The following KCTD1 variants were observed in gnomAD, a reference collection of about 807,000 sequenced individuals.
KCTD1 encodes potassium channel tetramerization domain containing 1.
Under a neutral mutation model 66.0 loss-of-function variants are expected in KCTD1, and 24 were observed. The ratio of observed to expected loss-of-function variants is 0.36; its 90% CI spans 0.26 to 0.51. KCTD1 has a LOEUF of 0.51. KCTD1 is among the 20% of genes least tolerant of loss of function. KCTD1 has a pLI of 0.95. For synonymous variants in KCTD1, 511 were observed against 517.2 expected (o/e 0.99, Z 0.16); for missense variants, 943 against 1,205.2 (o/e 0.78, Z 3.22).
At chr18:26,482,142 T>C (rs564414994) in intron 2 of KCTD1, among the ~76,000 whole-genome samples, 12 of 152,312 alleles carry the variant, frequency 7.9e-5, no homozygotes, top group African/African-American at 1.7e-4. Context: ...CCTGTGGTGA[T>C]TGGCACAATG....
intron 1 of KCTD1, among the ~76,000 whole-genome samples, chr18:26,615,492 G>A (rs1404190795): frequency 2.6e-5 from 4 of 152,202 alleles, no homozygotes; most frequent in Non-Finnish European, 5.9e-5. Context: ...ATGTGCAAAT[G>A]AAGATCTCTT....
chr18:26,520,334 T>C (rs1006994684), intron 1 of KCTD1, among the ~76,000 whole-genome samples: 1 of 152,174 alleles, frequency 6.6e-6, no homozygotes, highest in Non-Finnish European at 1.5e-5. Flanking sequence ...TGCATAACCA[T>C]GTAAAACTAA....
At chr18:26,532,261 C>T (rs1211479054) in intron 1 of KCTD1, among the ~76,000 whole-genome samples, 507 of 29,472 alleles carry the variant, frequency 0.017, 27 homozygotes, top group African/African-American at 0.026. Context: ...TTCTTTCCTT[C>T]TTTTTTTTTT....
chr18:26,502,373 TG>T (rs1244173704), intron 1 of KCTD1, among the ~76,000 whole-genome samples: 1 of 152,166 alleles, frequency 6.6e-6, no homozygotes, highest in Non-Finnish European at 1.5e-5. Flanking sequence ...TTATATTTGT[TG>T]TAGAAACAGG....
At chr18:26,626,241 C>G (rs771059886) in intron 1 of KCTD1, among the ~76,000 whole-genome samples, 1 of 151,894 alleles carries the variant, frequency 6.6e-6, no homozygotes, top group Non-Finnish European at 1.5e-5. Flanking sequence ...AGCATCCAAA[C>G]AGCTTAAGCC....
chr18:26,634,876 C>T (rs973391896), intron 1 of KCTD1, among the ~76,000 whole-genome samples: 1 of 152,176 alleles, frequency 6.6e-6, no homozygotes, highest in Non-Finnish European at 1.5e-5. Context: ...CCACAAACCA[C>T]ACACAACTCT....
At chr18:26,532,530 C>T (rs1396383590) in intron 1 of KCTD1, among the ~76,000 whole-genome samples, 2 of 152,082 alleles carry the variant, frequency 1.3e-5, no homozygotes, top group Non-Finnish European at 2.9e-5. Flanking sequence ...TCCCAAAGTG[C>T]CGGGGTTACA....
At chr18:26,461,975 G>A (rs115182729) in intron 3 of KCTD1, among the ~76,000 whole-genome samples, 233 of 152,230 alleles carry the variant, frequency 1.5e-3, no homozygotes, top group African/African-American at 5.2e-3. Context: ...AAAATTAGCC[G>A]GGCATGGTGG....
At chr18:26,548,731 AG>A (rs1166482994), upstream of KCTD1, 20 of 426,326 alleles carry the variant, frequency 4.7e-5, no homozygotes, top group South Asian at 1.1e-4. Context: ...GGGAGGGGGG[AG>A]GGGGGGACAA....
At chr18:26,503,172 G>A (rs890382632) in intron 1 of KCTD1, among the ~76,000 whole-genome samples, 4 of 152,058 alleles carry the variant, frequency 2.6e-5, no homozygotes, top group African/African-American at 4.8e-5. Context: ...TCGGCTGGTC[G>A]GCTCAAGGGT....
At chr18:26,614,948 A>T (rs1381467793) in intron 1 of KCTD1, among the ~76,000 whole-genome samples, 2 of 152,180 alleles carry the variant, frequency 1.3e-5, no homozygotes, top group South Asian at 2.1e-4. Context: ...GCTTTTTAAA[A>T]TTTTCAAATA....
intron 2 of KCTD1, among the ~76,000 whole-genome samples, chr18:26,481,725 G>C (rs1002482652): frequency 6.6e-6 from 1 of 152,144 alleles, no homozygotes; most frequent in Admixed American, 6.5e-5. Context: ...TACATCATTT[G>C]CATAATGCAG....
intron 1 of KCTD1, among the ~76,000 whole-genome samples, chr18:26,622,338 G>A (rs533102971): frequency 7.9e-5 from 12 of 152,298 alleles, no homozygotes; most frequent in African/African-American, 2.9e-4. Flanking sequence ...ACATTCTGAG[G>A]TTCTGCTACT....
intron 1 of KCTD1, among the ~76,000 whole-genome samples, chr18:26,590,740 T>C (rs1019557042): frequency 2.0e-5 from 3 of 152,190 alleles, no homozygotes; most frequent in African/African-American, 7.2e-5. Flanking sequence ...ACTGCCTATA[T>C]GCATTTTTGG....
upstream of KCTD1, among the ~76,000 whole-genome samples, chr18:26,552,690 T>C (rs1373971987): frequency 6.6e-6 from 1 of 152,238 alleles, no homozygotes; most frequent in African/African-American, 2.4e-5. Flanking sequence ...GACCCTTTTC[T>C]TGCAGTAGAG....
chr18:26,509,932 C>T (rs1983250812), intron 1 of KCTD1, among the ~76,000 whole-genome samples: 1 of 152,202 alleles, frequency 6.6e-6, no homozygotes. Context: ...CCCTACCTGA[C>T]AGAGGGGCAA....
chr18:26,476,784 A>G lies in KCTD1; in HGVS notation c.1989-125T>C, dbSNP rs1981372503. ...AAGATGGCAGTAGGGAAAAATTACG[A>G]TTGTCTGCAAAGTGTTGGTCCCCGC... On this transcript the variant is annotated intron_variant, in intron 2 of 4. Transcript: ENST00000580059. This position sits in a 1 kb window ranked among gnomAD's most constrained non-coding sequence, Gnocchi z 4.9. 2 of 768,534 alleles carry G rather than the reference A, an allele frequency of 2.6e-6. No homozygotes were observed. The highest frequency in any genetic ancestry group is 4.3e-6 in the Non-Finnish European group (2 of 469,644). 47.6% of individuals were successfully genotyped at this position (768,534 alleles called of 1,614,324 possible). A position where few individuals can be genotyped will look rare whatever the true frequency, so the allele number is the denominator to read the frequency against.
At chr18:26,548,937 C>G, upstream of KCTD1, 1 of 987,470 alleles carries the variant, frequency 1.0e-6, no homozygotes, top group South Asian at 4.7e-5. Flanking sequence ...GAGGGAGGGC[C>G]GGCGAGAGGG....
At chr18:26,458,872 T>C (rs1980248673) in intron 4 of KCTD1, 1 of 152,234 alleles carries the variant, frequency 6.6e-6, no homozygotes. Flanking sequence ...GTTTCTCCTA[T>C]TCTCTAGCTG....
Sources: gnomAD v4.1 joint callset for allele counts (sites outside exome capture counted in the v4.1 genomes callset) on GRCh38, gnomAD v4.1.1 for gene constraint, Gnocchi (gnomAD v3.1) non-coding constraint, MANE v1.5 for transcripts, NCBI Gene and HGNC (gene_info 2026-07-23, HGNC 2026-07-21) for gene names.